PLA2G4D: variants seen among roughly 807,000 people sequenced by gnomAD.
The protein encoded by PLA2G4D is cytosolic phospholipase A2 delta.
In PLA2G4D, 80 loss-of-function variants were observed where a neutral mutation model predicts 94.4. The observed-to-expected ratio is 0.85, with a 90% CI of 0.71 to 1.02. The LOEUF is 1.02. PLA2G4D is among the 50% of genes least tolerant of loss of function. The pLI is 0.00. For missense variants in PLA2G4D, 1,050 were observed against 1,034.7 expected (o/e 1.01, Z -0.20); for synonymous variants, 438 against 440.9 (o/e 0.99, Z 0.08).
intron 13 of PLA2G4D, among the ~76,000 whole-genome samples, chr15:42,073,161 G>A (rs537143202): frequency 1.3e-5 from 2 of 152,086 alleles, no homozygotes; most frequent in Non-Finnish European, 2.9e-5. Context: ...GTTACACTTG[G>A]CTAATTTTTG....
chr15:42,093,049 C>A (rs903204095), intron 1 of PLA2G4D, among the ~76,000 whole-genome samples: 1 of 152,164 alleles, frequency 6.6e-6, no homozygotes, highest in Non-Finnish European at 1.5e-5. Context: ...CTGGACCACA[C>A]GGCAGGCACG....
At chr15:42,085,279 A>C in intron 5 of PLA2G4D, 141 bp from the exon 6 acceptor site, 2 of 1,069,924 alleles carry the variant, frequency 1.9e-6, no homozygotes, top group South Asian at 2.6e-5. Flanking sequence ...GCTTTGCAGG[A>C]GGAGAGGGGA....
At chr15:42,085,270 C>T in intron 5 of PLA2G4D, 132 bp from the exon 6 acceptor site, 5 of 1,142,374 alleles carry the variant, frequency 4.4e-6, no homozygotes, top group Non-Finnish European at 6.6e-6. Context: ...AGGGGAGATG[C>T]TTTGCAGGAG....
At chr15:42,077,342 T>C (rs1016888140) in intron 13 of PLA2G4D, among the ~76,000 whole-genome samples, 12 of 152,210 alleles carry the variant, frequency 7.9e-5, no homozygotes, top group Non-Finnish European at 1.8e-4. Flanking sequence ...GACAAAATAC[T>C]ATCATACGAA....
rs1234313047 is a variant in PLA2G4D at position 42,081,789 on chromosome 15, T to C, written c.821+8A>G. 1 of 1,614,040 alleles carries C rather than the reference T, an allele frequency of 6.2e-7. No individual in the cohort carries two copies. The highest frequency in any genetic ancestry group is 1.3e-5 in the African/African-American group (1 of 74,900). On this transcript the variant is annotated splice_region_variant and intron_variant, in intron 10 of 19. Coordinates refer to ENST00000290472, the MANE Select transcript of PLA2G4D (RefSeq NM_178034.4). The stretch of plus-strand genomic sequence containing the variant: ...CTCACTGTCCCCACAGATGTGAATG[T>C]CCCTTACCAGCCCTCTGCCTTGAGC...
intron 1 of PLA2G4D, among the ~76,000 whole-genome samples, chr15:42,093,325 C>T (rs150143240): frequency 1.3e-5 from 2 of 152,258 alleles, no homozygotes; most frequent in Non-Finnish European, 1.5e-5. Flanking sequence ...TTTTGTTTTA[C>T]CCAGGAGCTA....
At chr15:42,086,456 C>T in intron 3 of PLA2G4D, 112 bp from the exon 4 acceptor site, 2 of 961,930 alleles carry the variant, frequency 2.1e-6, no homozygotes, top group East Asian at 2.5e-5. Context: ...TATGCCACCA[C>T]ACGTCTGCGC....
rs1198924878 is a variant in PLA2G4D, at chr15:42,077,339, T to C, written c.1317+2198A>G. 3.3e-5 allele frequency among the ~76,000 whole-genome samples: 5 copies of C among 152,270 alleles called. No individual in the cohort carries two copies. In the East Asian group the frequency reaches 5.8e-4, roughly 18 times the overall value. On this transcript the variant is annotated intron_variant, in intron 13 of 19. Coordinates refer to ENST00000290472, the MANE Select transcript of PLA2G4D (RefSeq NM_178034.4). ...ATAAATGCAAAAGTTCTCGACAAAA[T>C]ACTATCATACGAAATTCAGCAACAC...
chr15:42,090,296 C>A (rs567566664), intron 1 of PLA2G4D, among the ~76,000 whole-genome samples: 1 of 152,194 alleles, frequency 6.6e-6, no homozygotes, highest in Non-Finnish European at 1.5e-5. Flanking sequence ...ACTGCTATTG[C>A]TACTACTGTT....
In PLA2G4D at chr15:42,068,655, C is replaced by G; in HGVS notation, c.*60G>C. 1.3e-6 allele frequency: 2 copies of G among 1,482,662 alleles called. No homozygotes were observed. The highest frequency in any genetic ancestry group is 1.3e-5 in the South Asian group (1 of 79,982). 91.8% of individuals were successfully genotyped at this position (1,482,662 alleles called of 1,614,324 possible). ...CAACCAGGAAGGCCTGTGGCTGAGC[C>G]CAGCTACAGATCAGGTTATGCCCGC... On this transcript the variant is annotated 3_prime_UTR_variant, in exon 20 of 20. Coordinates refer to ENST00000290472, the MANE Select transcript of PLA2G4D (RefSeq NM_178034.4).
At chr15:42,083,364 G>A in intron 7 of PLA2G4D, 30 bp from the exon 8 acceptor site, 15 of 1,597,396 alleles carry the variant, frequency 9.4e-6, no homozygotes, top group Non-Finnish European at 8.5e-6. Flanking sequence ...GTTAGCATGA[G>A]AACAAGAGCC....
chr15:42,080,678 A>G (rs1284673763), intron 12 of PLA2G4D, among the ~76,000 whole-genome samples: 1 of 152,164 alleles, frequency 6.6e-6, no homozygotes, highest in Non-Finnish European at 1.5e-5. Flanking sequence ...AGCTGCATCA[A>G]CTGAGAATCA....
chr15:42,082,277 A>G lies in PLA2G4D; in HGVS notation c.783+2T>C. 2 of 1,611,864 alleles carry G rather than the reference A, an allele frequency of 1.2e-6. No homozygotes were observed. Among genetic ancestry groups the G allele is most frequent in the Non-Finnish European group, 1.7e-6 (2 of 1,178,062 alleles). ...ATTTCCCATCCAGTTGAGGCCACTT[A>G]CATTTGGAGCAGGAACATCCATAGT... On this transcript the variant is annotated splice_donor_variant, in intron 9 of 19. Coordinates refer to ENST00000290472, the MANE Select transcript of PLA2G4D (RefSeq NM_178034.4). LOFTEE classifies it high-confidence loss of function.
rs528368034 is a variant in PLA2G4D at position 42,092,642 on chromosome 15, G to A, written c.45+1773C>T. Reference sequence around the variant, plus strand: ...AGGAAATTCGTCAGCCCAGTCACCTGTAGGATCCCCCGAATGCCTCCCTGC... The same window carrying A: ...AGGAAATTCGTCAGCCCAGTCACCTATAGGATCCCCCGAATGCCTCCCTGC... On this transcript the variant is annotated intron_variant, in intron 1 of 19. Transcript: ENST00000290472. 2.6e-5 allele frequency among the ~76,000 whole-genome samples: 4 copies of A among 152,258 alleles called. No individual in the cohort carries two copies. In the East Asian group the frequency reaches 5.8e-4, roughly 22 times the overall value.
chr15:42,071,859 G>C lies in PLA2G4D; in HGVS notation c.1488C>G (p.Phe496Leu). The change falls in exon 15 of 20, where the codon TTC becomes TTG. Residue 496 changes from phenylalanine to leucine, a missense_variant. Physicochemically the swap from Phe to Leu is conservative, Grantham distance 22. Transcript: ENST00000290472. ...YEVGFLKYGAFVPPELFGSEF... is the reference protein window; with the variant it reads ...YEVGFLKYGALVPPELFGSEF... ...CGGAGCCGAAGAGCTCAGGAGGGAC[G>C]AAGGCCCCGTACTTCAGGAAACCGA... 1 of 1,614,202 alleles carries C rather than the reference G, an allele frequency of 6.2e-7. No individual in the cohort carries two copies. Among genetic ancestry groups the C allele is most frequent in the Non-Finnish European group, 8.5e-7 (1 of 1,180,018 alleles).
At chr15:42,082,035 G>C (rs1890048920) in intron 9 of PLA2G4D, among the ~76,000 whole-genome samples, 1 of 150,222 alleles carries the variant, frequency 6.7e-6, no homozygotes, top group Non-Finnish European at 1.5e-5. Context: ...GGGTTCAGGT[G>C]ATTCTCCTGC....
chr15:42,068,927 G>A lies in PLA2G4D; in HGVS notation c.2245C>T (p.Pro749Ser). 2 of 1,610,716 alleles carry A rather than the reference G, an allele frequency of 1.2e-6. No homozygotes were observed. Among genetic ancestry groups the A allele is most frequent in the Non-Finnish European group, 1.7e-6 (2 of 1,179,318 alleles). Residue 749 changes from proline (P) to serine (S), a missense_variant, in exon 20 of 20, where the codon CCC (proline) becomes TCC (serine). Physicochemically the swap from Pro to Ser is moderately conservative, Grantham distance 74 (BLOSUM62 -1). Coordinates refer to ENST00000290472, the MANE Select transcript of PLA2G4D (RefSeq NM_178034.4). ...DHSAPGVQRS[P>S]AELQGGQVDL... ...ACTTGGCCACCCTGGAGCTCTGCGGGGCTGCGCTGGACACCTGCCCAGGGG... is the reference window on the plus strand; with the variant it reads ...ACTTGGCCACCCTGGAGCTCTGCGGAGCTGCGCTGGACACCTGCCCAGGGG...
Position 42,072,249 on chromosome 15 carries a change from T to TGG in PLA2G4D, c.1435+24_1435+25dup, listed in dbSNP as rs762315146. On this transcript the variant is annotated intron_variant, in intron 14 of 19. Coordinates refer to ENST00000290472, the MANE Select transcript of PLA2G4D (RefSeq NM_178034.4). ...CAGAGGGTTTGGGGGGTGGAGTATG[T>TGG]GGGAGGGGAGTAGGTAGAACTGTAC... The TGG allele has an allele frequency of 4.4e-6, 7 of 1,577,612 alleles. 1 individual carries two copies. Among genetic ancestry groups the TGG allele is most frequent in the Middle Eastern group, 1.7e-4 (1 of 5,824 alleles).
At chr15:42,069,667 A>G (rs1392263365) in intron 19 of PLA2G4D, among the ~76,000 whole-genome samples, 1 of 152,050 alleles carries the variant, frequency 6.6e-6, no homozygotes, top group Non-Finnish European at 1.5e-5. Context: ...AGGCTGCAGG[A>G]GCCCGGCATC....
Sources: allele counts gnomAD v4.1 joint callset (sites outside exome capture counted in the v4.1 genomes callset), GRCh38; gene constraint gnomAD v4.1.1; transcripts MANE v1.5; gene names NCBI Gene and HGNC (gene_info 2026-07-23, HGNC 2026-07-21).